The following ZNF804A variants were observed in gnomAD, a reference collection of about 807,000 sequenced individuals.
ZNF804A encodes zinc finger protein 804A.
Under a neutral mutation model 16.5 loss-of-function variants are expected in ZNF804A, and 2 were observed. The ratio of observed to expected loss-of-function variants is 0.12; its 90% CI spans 0.05 to 0.38. The LOEUF (loss-of-function observed/expected upper bound fraction) is 0.38. Among genes scored for constraint, ZNF804A ranks in the 10% least tolerant of loss-of-function variants. ZNF804A has a pLI of 0.99. For synonymous variants in ZNF804A, 534 were observed against 489.6 expected, an observed-to-expected ratio of 1.09 and a Z score of -1.20; for missense variants, 1,473 against 1,390.7, an observed-to-expected ratio of 1.06 and a Z score of -0.94.
chr2:184,845,419 TC>T (rs1321042629), intron 1 of ZNF804A, among the ~76,000 whole-genome samples: 1 of 152,106 alleles, frequency 6.6e-6, no homozygotes, highest in African/African-American at 2.4e-5. Flanking sequence ...AGAATTTTTT[TC>T]TTTCTCCCCC....
At chr2:184,619,202 G>A (rs571532126) in intron 1 of ZNF804A, among the ~76,000 whole-genome samples, 25 of 152,056 alleles carry the variant, frequency 1.6e-4, no homozygotes, top group African/African-American at 5.1e-4. Context: ...CCAAATTTAC[G>A]TGTAAAGATA....
intron 1 of ZNF804A, among the ~76,000 whole-genome samples, chr2:184,729,176 AAGTGC>A (rs1693471749): frequency 6.6e-6 from 1 of 151,934 alleles, no homozygotes; most frequent in Non-Finnish European, 1.5e-5. Flanking sequence ...AATAAATTTT[AAGTGC>A]TCTCAACACA....
At position 184,847,845 on chromosome 2, in the gene ZNF804A, A is replaced by AATAATG. The variant is rs548546539; in HGVS notation, c.112-18523_112-18522insTAATGA. On this transcript the variant is annotated intron_variant, in intron 1 of 3. Coordinates refer to ENST00000302277, the MANE Select transcript of ZNF804A (RefSeq NM_194250.2). The stretch of plus-strand genomic sequence containing the variant: ...CAAAAATGACTCAGAGAACTCAGGC[A>AATAATG]AATAATTTATTCATTATTACTAGTT... 2.6e-5 allele frequency among the ~76,000 whole-genome samples: 4 copies of AATAATG among 152,152 alleles called. No homozygotes were observed. In the South Asian group the frequency reaches 6.2e-4, roughly 24 times the overall value.
chr2:184,859,245 G>A (rs907224419), intron 1 of ZNF804A, among the ~76,000 whole-genome samples: 1 of 151,768 alleles, frequency 6.6e-6, no homozygotes, highest in Non-Finnish European at 1.5e-5. Context: ...ATTTAAATAT[G>A]TGCTGCTTGA....
At chr2:184,754,812 A>G (rs1427820292) in intron 1 of ZNF804A, among the ~76,000 whole-genome samples, 1 of 151,858 alleles carries the variant, frequency 6.6e-6, no homozygotes, top group African/African-American at 2.4e-5. Flanking sequence ...GTAATCATAT[A>G]AAAGTATTCT....
At chr2:184,792,112 G>C (rs73980321) in intron 1 of ZNF804A, among the ~76,000 whole-genome samples, 11,394 of 152,140 alleles carry the variant, frequency 0.075, 1,447 homozygotes, top group African/African-American at 0.26. Flanking sequence ...TATGAATAAA[G>C]CCACTATAAA....
At position 184,939,364 on chromosome 2, in the gene ZNF804A, T is replaced by C. The variant is rs2105845961; in HGVS notation, c.*338T>C. 1 of 170,650 alleles carries C rather than the reference T, an allele frequency of 5.9e-6. No individual in the cohort carries two copies. Among genetic ancestry groups the C allele is most frequent in the Middle Eastern group, 2.7e-3 (1 of 370 alleles). The allele number at this position is 170,650 out of a possible 1,614,324, so 10.6% of individuals were successfully genotyped here. A position where few individuals can be genotyped will look rare whatever the true frequency, so the allele number is the denominator to read the frequency against. On this transcript the variant is annotated 3_prime_UTR_variant, in exon 4 of 4. Transcript: ENST00000302277. ...ATGCTCCCTTGGTTTTTCTTAATCT[T>C]TGTGTATTTGCACCTATTTAATGTT...
At chr2:184,887,120 A>C (rs939359404) in intron 2 of ZNF804A, among the ~76,000 whole-genome samples, 1 of 152,200 alleles carries the variant, frequency 6.6e-6, no homozygotes. Context: ...TGCTGGTTAC[A>C]AATTTCTTCT....
At chr2:184,897,759 GT>G (rs925381673) in intron 2 of ZNF804A, among the ~76,000 whole-genome samples, 30 of 152,082 alleles carry the variant, frequency 2.0e-4, no homozygotes, top group African/African-American at 6.0e-4. Context: ...TCTTTCCATT[GT>G]TTTTTGTATT....
intron 1 of ZNF804A, among the ~76,000 whole-genome samples, chr2:184,849,940 T>C (rs73043272): frequency 0.019 from 2,853 of 152,066 alleles, 73 homozygotes; most frequent in African/African-American, 0.064. Flanking sequence ...CTGGAGGTCA[T>C]TATGTTAAGT....
chr2:184,938,937 C>A lies in ZNF804A; in HGVS notation c.3541C>A (p.His1181Asn). The change falls in exon 4 of 4, where the codon CAT becomes AAT. Residue 1181 changes from histidine to asparagine, a missense_variant. Physicochemically the swap from His to Asn is moderately conservative, Grantham distance 68 (BLOSUM62 1). Transcript: ENST00000302277. Reference sequence around the variant, plus strand: ...TCCAGCTTCCGTTCTTCATCCTAGCCATCTGGCTTTCCCATCTTTACCCCA... The same window carrying A: ...TCCAGCTTCCGTTCTTCATCCTAGCAATCTGGCTTTCCCATCTTTACCCCA... ...IIPASVLHPS[H>N]LAFPSLPHAL... 6.2e-7 allele frequency: 1 copy of A among 1,613,968 alleles called. No individual in the cohort carries two copies. Among genetic ancestry groups the A allele is most frequent in the Non-Finnish European group, 8.5e-7 (1 of 1,179,978 alleles).
intron 1 of ZNF804A, among the ~76,000 whole-genome samples, chr2:184,653,279 TCC>T (rs1692018390): frequency 6.6e-6 from 1 of 152,172 alleles, no homozygotes; most frequent in African/African-American, 2.4e-5. Flanking sequence ...TATACGAATT[TCC>T]TCAAAACTTA....
intron 1 of ZNF804A, among the ~76,000 whole-genome samples, chr2:184,741,396 G>A (rs770959505): frequency 1.5e-4 from 23 of 152,104 alleles, no homozygotes; most frequent in Non-Finnish European, 2.8e-4. Context: ...GCTGACTTGA[G>A]GCTTGATATC....
intron 2 of ZNF804A, among the ~76,000 whole-genome samples, chr2:184,917,406 T>C (rs966700466): frequency 2.0e-5 from 3 of 152,140 alleles, no homozygotes; most frequent in Non-Finnish European, 2.9e-5. Flanking sequence ...TTAGATACTA[T>C]GATGTTATTC....
intron 1 of ZNF804A, among the ~76,000 whole-genome samples, chr2:184,667,852 T>C (rs1692275896): frequency 6.6e-6 from 1 of 151,860 alleles, no homozygotes; most frequent in African/African-American, 2.4e-5. Flanking sequence ...AGCTATCATA[T>C]AATGTATCTA....
At chr2:184,614,419 G>A in intron 1 of ZNF804A, among the ~76,000 whole-genome samples, 1 of 152,088 alleles carries the variant, frequency 6.6e-6, no homozygotes, top group East Asian at 1.9e-4. Flanking sequence ...GGCAACAAAA[G>A]CCAAAATTGA....
chr2:184,850,740 T>C (rs1455388323), intron 1 of ZNF804A, among the ~76,000 whole-genome samples: 1 of 151,830 alleles, frequency 6.6e-6, no homozygotes, highest in Non-Finnish European at 1.5e-5. Flanking sequence ...CAAAGCATTT[T>C]AAATGTTAAT....
At chr2:184,914,804 A>G (rs1464072239) in intron 2 of ZNF804A, among the ~76,000 whole-genome samples, 1 of 151,856 alleles carries the variant, frequency 6.6e-6, no homozygotes, top group Non-Finnish European at 1.5e-5. Flanking sequence ...CTGTGTCTAT[A>G]TATTATTTTC....
At chr2:184,926,160 C>A (rs185182722) in intron 2 of ZNF804A, among the ~76,000 whole-genome samples, 1 of 152,078 alleles carries the variant, frequency 6.6e-6, no homozygotes, top group African/African-American at 2.4e-5. Context: ...CTGAAGCACT[C>A]CCTTTAACAT....
Sources: allele counts gnomAD v4.1 joint callset (sites outside exome capture counted in the v4.1 genomes callset), GRCh38; gene constraint gnomAD v4.1.1; transcripts MANE v1.5; gene names NCBI Gene and HGNC (gene_info 2026-07-23, HGNC 2026-07-21).